The following MCMDC2 variants were observed in gnomAD, a reference collection of about 807,000 sequenced individuals.
The protein encoded by MCMDC2 is minichromosome maintenance domain containing 2, also known as minichromosome maintenance domain-containing protein 2.
In MCMDC2, 54 loss-of-function variants were observed where a neutral mutation model predicts 75.8. The ratio of observed to expected loss-of-function variants is 0.71; its 90% CI spans 0.57 to 0.89. The LOEUF is 0.89. MCMDC2 is among the 40% of genes least tolerant of loss of function. The probability of loss-of-function intolerance (pLI) is 0.00; values close to 1 mark genes in which losing one functional copy is unlikely to be tolerated. For synonymous variants in MCMDC2, 249 were observed against 274.6 expected (o/e 0.91, Z 0.92); for missense variants, 656 against 780.4 (o/e 0.84, Z 1.90).
intron 9 of MCMDC2, among the ~76,000 whole-genome samples, chr8:66,886,183 A>G (rs1811830406): frequency 1.4e-5 from 2 of 141,268 alleles, no homozygotes; most frequent in Admixed American, 1.4e-4. Flanking sequence ...TTTTTTTTTA[A>G]GACGGAGTTT....
At chr8:66,900,352 C>T (rs534520853) in intron 12 of MCMDC2, among the ~76,000 whole-genome samples, 116 of 152,120 alleles carry the variant, frequency 7.6e-4, no homozygotes, top group African/African-American at 2.6e-3. Flanking sequence ...ACAGGAGAAT[C>T]GCTTGAACCC....
At chr8:66,922,949 CTG>C (rs1193349077), downstream of MCMDC2, among the ~76,000 whole-genome samples, 1 of 152,180 alleles carries the variant, frequency 6.6e-6, no homozygotes, top group African/African-American at 2.4e-5. Flanking sequence ...ACCTCTGTAA[CTG>C]AGTATGTTTG....
At chr8:66,879,120 A>G (rs112567124) in intron 7 of MCMDC2, among the ~76,000 whole-genome samples, 18 of 152,096 alleles carry the variant, frequency 1.2e-4, no homozygotes, top group Non-Finnish European at 2.1e-4. Flanking sequence ...AAAATTAGCT[A>G]GATGTGGTGG....
At chr8:66,917,582 ACTC>A (rs1392325819) in intron 14 of MCMDC2, among the ~76,000 whole-genome samples, 3 of 151,378 alleles carry the variant, frequency 2.0e-5, no homozygotes, top group Non-Finnish European at 4.4e-5. Context: ...TTCCTCCTCT[ACTC>A]CTCCTGGGAG....
chr8:66,895,695 G>A (rs1812320440), intron 10 of MCMDC2, among the ~76,000 whole-genome samples: 2 of 152,116 alleles, frequency 1.3e-5, no homozygotes, highest in South Asian at 2.1e-4. Context: ...TTTTAAGTGG[G>A]AGGTGAGGGG....
At chr8:66,917,657 AC>A (rs1323523114) in intron 14 of MCMDC2, among the ~76,000 whole-genome samples, 1 of 152,228 alleles carries the variant, frequency 6.6e-6, no homozygotes, top group Non-Finnish European at 1.5e-5. Flanking sequence ...GTGGAATCAT[AC>A]ATTTGTCCTT....
At chr8:66,922,230 A>T, downstream of MCMDC2, 1 of 215,164 alleles carries the variant, frequency 4.6e-6, no homozygotes, top group South Asian at 6.3e-5. Flanking sequence ...CCACACATGC[A>T]AAAGCAACTT....
chr8:66,875,798 C>G (rs188904569), intron 4 of MCMDC2, among the ~76,000 whole-genome samples: 2 of 152,184 alleles, frequency 1.3e-5, no homozygotes, highest in African/African-American at 4.8e-5. Flanking sequence ...GCCATTTCCT[C>G]TCCCTCCCTT....
chr8:66,906,004 CAAA>C (rs1216287591), intron 14 of MCMDC2, among the ~76,000 whole-genome samples: 2 of 71,338 alleles, frequency 2.8e-5, no homozygotes. Context: ...GACTCCATCT[CAAA>C]AAAAAAAAAA....
intron 14 of MCMDC2, among the ~76,000 whole-genome samples, chr8:66,908,709 C>G (rs1812997057): frequency 1.3e-5 from 2 of 152,260 alleles, no homozygotes; most frequent in Admixed American, 6.5e-5. Flanking sequence ...CTCCTGGGTT[C>G]AAGTGATTCT....
rs1415667383 is a variant in MCMDC2, at chr8:66,921,865, A to T, written c.*2696A>T. ...CCCATAAATAAGCTAATTATTGACA[A>T]GATTATAATCTTTCGAATATGTTCA... is the stretch of plus-strand genomic sequence containing the variant. On this transcript the variant is annotated 3_prime_UTR_variant, in exon 15 of 15. Transcript: ENST00000422365. 1 of 152,238 alleles carries T rather than the reference A, an allele frequency of 6.6e-6. No individual in the cohort carries two copies. Among genetic ancestry groups the T allele is most frequent in the East Asian group, 1.9e-4 (1 of 5,194 alleles). The allele number at this position is 152,238 out of a possible 1,614,324, so 9.4% of individuals were successfully genotyped here.
intron 8 of MCMDC2, among the ~76,000 whole-genome samples, chr8:66,882,099 A>C (rs181950912): frequency 6.6e-6 from 1 of 152,338 alleles, no homozygotes; most frequent in Non-Finnish European, 1.5e-5. Flanking sequence ...AGACAGGTAG[A>C]TCTCCATGCT....
intron 12 of MCMDC2, among the ~76,000 whole-genome samples, chr8:66,898,606 A>G (rs1027231072): frequency 6.6e-6 from 1 of 150,554 alleles, no homozygotes. Context: ...CCTGGGCGAC[A>G]AGAGCAAAAC....
At chr8:66,905,571 G>A (rs113551100) in intron 14 of MCMDC2, among the ~76,000 whole-genome samples, 6 of 152,188 alleles carry the variant, frequency 3.9e-5, no homozygotes, top group African/African-American at 1.2e-4. Flanking sequence ...TTGAACATTT[G>A]CATTGCTTAA....
intron 10 of MCMDC2, 61 bp downstream of exon 10, chr8:66,891,131 G>GAGT: frequency 7.4e-7 from 1 of 1,348,716 alleles, no homozygotes; most frequent in Non-Finnish European, 1.0e-6. Context: ...TCCATGTTGA[G>GAGT]ATACTTAACA....
intron 14 of MCMDC2, among the ~76,000 whole-genome samples, chr8:66,915,464 G>C (rs1813276185): frequency 6.9e-6 from 1 of 144,902 alleles, no homozygotes; most frequent in Non-Finnish European, 1.5e-5. Context: ...AAAAAAAAAA[G>C]TTTTATATAT....
intron 13 of MCMDC2, chr8:66,901,802 G>A (rs1184894069): frequency 3.3e-5 from 6 of 182,404 alleles, no homozygotes; most frequent in Non-Finnish European, 6.3e-5. Flanking sequence ...GTGGTGGTGC[G>A]TTCATGTAGT....
At chr8:66,918,158 T>C (rs1464115537) in intron 14 of MCMDC2, among the ~76,000 whole-genome samples, 1 of 152,232 alleles carries the variant, frequency 6.6e-6, no homozygotes, top group Non-Finnish European at 1.5e-5. Context: ...ATTAGTGATG[T>C]TGAACATCTT....
At chr8:66,895,327 G>C (rs2130832495) in intron 10 of MCMDC2, among the ~76,000 whole-genome samples, 1 of 151,910 alleles carries the variant, frequency 6.6e-6, no homozygotes, top group Middle Eastern at 3.4e-3. Flanking sequence ...ATGATATGTG[G>C]TCCTCCGCAA....
Sources: allele counts gnomAD v4.1 joint callset (sites outside exome capture counted in the v4.1 genomes callset), GRCh38; gene constraint gnomAD v4.1.1; transcripts MANE v1.5; gene names NCBI Gene and HGNC (gene_info 2026-07-23, HGNC 2026-07-21).